Variants in HIPK1 observed in about 807,000 individuals in gnomAD.
HIPK1 encodes homeodomain-interacting protein kinase 1.
In HIPK1, 28 loss-of-function variants were observed where a neutral mutation model predicts 117.1. The observed-to-expected ratio is 0.24, with a 90% CI of 0.18 to 0.33. The LOEUF (loss-of-function observed/expected upper bound fraction) is 0.33, where lower values mean the gene tolerates loss of function less well. Among genes scored for constraint, HIPK1 ranks in the 10% least tolerant of loss-of-function variants. HIPK1 has a pLI of 1.00. For missense variants in HIPK1, 1,122 were observed against 1,475.1 expected, an observed-to-expected ratio of 0.76 and a Z score of 3.92; for synonymous variants, 605 against 562.5, an observed-to-expected ratio of 1.08 and a Z score of -1.07.
chr1:113,939,265 C>G (rs1261260433), intron 1 of HIPK1, among the ~76,000 whole-genome samples: 1 of 151,782 alleles, frequency 6.6e-6, no homozygotes, highest in Non-Finnish European at 1.5e-5. Context: ...GTGATCACTT[C>G]TGCCTTCTGA....
At position 113,970,776 on chromosome 1, in the gene HIPK1, A is replaced by G. The variant is rs1233646102; in HGVS notation, c.3013+579A>G. 3.9e-5 allele frequency among the ~76,000 whole-genome samples: 6 copies of G among 152,314 alleles called. No individual in the cohort carries two copies. The East Asian group carries it at 9.7e-4, about 25-fold the overall frequency. On this transcript the variant is annotated intron_variant, in intron 14 of 15. Transcript: ENST00000426820. ...GTAACAAATCCTAGATTTTTGTAGC[A>G]TAACATAGTAGAATTTTACTTCTCT...
At position 113,941,833 on chromosome 1, in the gene HIPK1, C is replaced by A. The variant is rs529728325; in HGVS notation, c.1076+374C>A. ...GGAGTGCAGTGGCGTGATATCAGCT[C>A]ACTGCAAGCCCCACCTCCTGGGTTC... On this transcript the variant is annotated intron_variant, in intron 2 of 15. Transcript: ENST00000426820. The surrounding 1 kb of genome is among the most constrained non-coding windows in gnomAD (Gnocchi z 4.9). Among the ~76,000 whole-genome samples, 16 of 152,220 alleles carry A rather than the reference C, an allele frequency of 1.1e-4. No individual in the cohort carries two copies. Among genetic ancestry groups the A allele is most frequent in the African/African-American group, 3.9e-4 (16 of 41,534 alleles).
At chr1:113,965,808 G>A (rs1220562918) in intron 10 of HIPK1, among the ~76,000 whole-genome samples, 1 of 152,134 alleles carries the variant, frequency 6.6e-6, no homozygotes, top group Non-Finnish European at 1.5e-5. Context: ...TGAAACTCCA[G>A]CATTTAACCA....
Position 113,973,456 on chromosome 1 carries a change from A to G in HIPK1, c.3577A>G (p.Ile1193Val), listed in dbSNP as rs140198710. 128 of 1,613,290 alleles carry G rather than the reference A, an allele frequency of 7.9e-5. No homozygotes were observed. Among genetic ancestry groups the G allele is most frequent in the Admixed American group, 5.8e-4 (35 of 59,952 alleles). ...SYIGSSRGST[I>V]YTGYPLSPTK... ...CATTGGGTCTTCCCGAGGCTCAACAATTTACACTGGATACCCGCTGAGTCC... is the reference window on the plus strand; with the variant it reads ...CATTGGGTCTTCCCGAGGCTCAACAGTTTACACTGGATACCCGCTGAGTCC... Residue 1193 changes from isoleucine (I) to valine (V), a missense_variant, in exon 16 of 16, where the codon ATT (isoleucine) becomes GTT (valine). Ile to Val is a conservative substitution (Grantham distance 29, BLOSUM62 3). This residue lies in a region of HIPK1 where 731 missense variants were observed against 860.4 expected (regional missense o/e 0.85). Coordinates refer to ENST00000426820, the MANE Select transcript of HIPK1 (RefSeq NM_198268.3).
intron 7 of HIPK1, among the ~76,000 whole-genome samples, chr1:113,957,515 C>T (rs527374482): frequency 3.9e-5 from 6 of 152,144 alleles, no homozygotes; most frequent in African/African-American, 9.7e-5. Context: ...TGTTCAGCAT[C>T]GTCAAATAAA....
chr1:113,973,229 C>T lies in HIPK1; in HGVS notation c.3350C>T (p.Pro1117Leu), dbSNP rs1672960184. The T allele has an allele frequency of 3.7e-6, 6 of 1,614,082 alleles. No homozygotes were observed. The highest frequency in any genetic ancestry group is 2.2e-5 in the South Asian group (2 of 91,062). The change falls in exon 16 of 16, where the codon CCG (proline) becomes CTG (leucine). Residue 1117 changes from proline to leucine, a missense_variant. By Grantham distance (98) the Pro-to-Leu change is moderately conservative. Around this residue, in one of 6 missense-constraint regions of HIPK1, gnomAD observed 731 missense variants for 860.4 expected, o/e 0.85. Transcript: ENST00000426820. ...GCTCATCTGTATACGTATGCTGCCC[C>T]GACTTCTGCTGCTGCACTGGGCTCA... ...SQAHLYTYAA[P>L]TSAAALGSTS...
intron 5 of HIPK1, among the ~76,000 whole-genome samples, chr1:113,955,942 T>C (rs2101337455): frequency 6.6e-6 from 1 of 152,294 alleles, no homozygotes; most frequent in South Asian, 2.1e-4. Context: ...TTAAGAATTA[T>C]ATTTATTGAG....
intron 1 of HIPK1, among the ~76,000 whole-genome samples, chr1:113,935,147 A>C (rs1308370318): frequency 6.6e-6 from 1 of 151,862 alleles, no homozygotes; most frequent in Non-Finnish European, 1.5e-5. Context: ...ATAGTGCCTG[A>C]CATTTATTTT....
chr1:113,949,995 G>T (rs572943441), intron 2 of HIPK1, among the ~76,000 whole-genome samples: 1 of 152,276 alleles, frequency 6.6e-6, no homozygotes, highest in African/African-American at 2.4e-5. Flanking sequence ...AAAAGTGTAA[G>T]CCCGAAGAGG....
chr1:113,962,441 A>G lies in HIPK1; in HGVS notation c.2103+3A>G, dbSNP rs1278881762. The G allele has an allele frequency of 6.2e-7, 1 of 1,613,332 alleles. No homozygotes were observed. The highest frequency in any genetic ancestry group is 2.2e-5 in the East Asian group (1 of 44,810). On this transcript the variant is annotated splice_donor_region_variant and intron_variant, in intron 9 of 15. Coordinates refer to ENST00000426820, the MANE Select transcript of HIPK1 (RefSeq NM_198268.3). ...TTCAGTCAGGAGTTCTCACGCAGGT[A>G]AAAGCTAGAGCAATGTGGATACTCA...
chr1:113,961,015 C>T (rs1672071130), intron 8 of HIPK1, among the ~76,000 whole-genome samples: 1 of 152,144 alleles, frequency 6.6e-6, no homozygotes, highest in South Asian at 2.1e-4. Flanking sequence ...TAATTAAAAT[C>T]TTTATATCCT....
At position 113,968,452 on chromosome 1, in the gene HIPK1, G is replaced by A. The variant is rs1672599726; in HGVS notation, c.2575G>A (p.Asp859Asn). The change falls in exon 13 of 16, where the codon GAT (aspartate) becomes AAT (asparagine). Residue 859 changes from aspartate (D) to asparagine (N), a missense_variant. Asp to Asn is a conservative substitution (Grantham distance 23, BLOSUM62 1). This residue lies in a region of HIPK1 where 731 missense variants were observed against 860.4 expected (regional missense o/e 0.85). Transcript: ENST00000426820. ...GAACTTTTCCTACAGGTCCTCTCTA[G>A]ATGTTCTGCCTTCCCAAGTCTATTC... ...SAPVSSKSSL[D>N]VLPSQVYSLV... The A allele has an allele frequency of 1.2e-6, 2 of 1,612,992 alleles. No homozygotes were observed. The highest frequency in any genetic ancestry group is 1.3e-5 in the African/African-American group (1 of 74,902).
At chr1:113,972,510 C>T (rs555116640) in intron 15 of HIPK1, among the ~76,000 whole-genome samples, 1 of 152,280 alleles carries the variant, frequency 6.6e-6, no homozygotes, top group African/African-American at 2.4e-5. Context: ...AATTCGAGTG[C>T]TTGTATGATG....
At chr1:113,943,377 T>C (rs986681054) in intron 2 of HIPK1, among the ~76,000 whole-genome samples, 3 of 152,266 alleles carry the variant, frequency 2.0e-5, no homozygotes, top group Non-Finnish European at 4.4e-5. Context: ...AGTGGAATCA[T>C]ACAATATTTG....
intron 14 of HIPK1, among the ~76,000 whole-genome samples, chr1:113,971,467 T>C (rs1672817176): frequency 6.6e-6 from 1 of 152,248 alleles, no homozygotes; most frequent in South Asian, 2.1e-4. Flanking sequence ...CTTTCTCAGC[T>C]TCACATTATC....
intron 14 of HIPK1, among the ~76,000 whole-genome samples, chr1:113,971,347 AGCTGT>A (rs1672810104): frequency 6.6e-6 from 1 of 152,252 alleles, no homozygotes; most frequent in African/African-American, 2.4e-5. Flanking sequence ...TTTCACATTC[AGCTGT>A]CCTGTAATTT....
intron 14 of HIPK1, among the ~76,000 whole-genome samples, chr1:113,970,913 T>A (rs141119014): frequency 9.8e-4 from 149 of 152,202 alleles, no homozygotes; most frequent in Middle Eastern, 3.4e-3. Context: ...TGGAAATAAG[T>A]GGAAATAGTG....
At chr1:113,932,684 C>T (rs1439627749) in intron 1 of HIPK1, among the ~76,000 whole-genome samples, 1 of 152,110 alleles carries the variant, frequency 6.6e-6, no homozygotes, top group African/African-American at 2.4e-5. Context: ...TGGCCTGGAT[C>T]GCCTTTTTCT....
intron 3 of HIPK1, among the ~76,000 whole-genome samples, chr1:113,953,631 C>T (rs1671511894): frequency 6.6e-6 from 1 of 152,022 alleles, no homozygotes; most frequent in African/African-American, 2.4e-5. Context: ...GATTCTCCTG[C>T]CTCAGCCTCC....
Sources: allele counts gnomAD v4.1 joint callset (sites outside exome capture counted in the v4.1 genomes callset), GRCh38; gene constraint gnomAD v4.1.1; regional missense constraint gnomAD v4.1.1; non-coding constraint Gnocchi (gnomAD v3.1); transcripts MANE v1.5; gene names NCBI Gene and HGNC (gene_info 2026-07-23, HGNC 2026-07-21).